Variants in CCDC148 observed in about 807,000 individuals in gnomAD.
CCDC148 encodes the protein coiled-coil domain-containing protein 148.
Under a neutral mutation model 85.7 loss-of-function variants are expected in CCDC148, and 89 were observed. The observed-to-expected ratio is 1.04, with a 90% confidence interval of 0.87 to 1.24. The LOEUF is 1.24. CCDC148 is among the 50% of genes most tolerant of loss of function. CCDC148 has a pLI of 0.00. For synonymous variants in CCDC148, 230 were observed against 213.9 expected, an observed-to-expected ratio of 1.08 and a Z score of -0.66; for missense variants, 692 against 671.7, an observed-to-expected ratio of 1.03 and a Z score of -0.33.
chr2:158,291,593 T>C (rs1273267672), intron 9 of CCDC148, among the ~76,000 whole-genome samples: 2 of 152,208 alleles, frequency 1.3e-5, no homozygotes, highest in East Asian at 1.9e-4. Flanking sequence ...TTGGTGTTTA[T>C]ATGGTTGCCT....
intron 1 of CCDC148, among the ~76,000 whole-genome samples, chr2:158,436,093 C>A (rs942113794): frequency 6.6e-6 from 1 of 151,996 alleles, no homozygotes; most frequent in Non-Finnish European, 1.5e-5. Context: ...ACAAGGATAC[C>A]CAGGAATTGA....
intron 1 of CCDC148, among the ~76,000 whole-genome samples, chr2:158,413,638 T>C (rs1686365688): frequency 6.6e-6 from 1 of 151,018 alleles, no homozygotes. Flanking sequence ...AAATCAGGGG[T>C]TTGCAAACTT....
intron 11 of CCDC148, among the ~76,000 whole-genome samples, chr2:158,190,643 T>C (rs2105272455): frequency 6.6e-6 from 1 of 152,154 alleles, no homozygotes; most frequent in Middle Eastern, 3.4e-3. Context: ...CCACAATTAA[T>C]ATGTATTGCA....
intron 10 of CCDC148, among the ~76,000 whole-genome samples, chr2:158,222,166 G>A (rs1450940639): frequency 6.6e-6 from 1 of 152,096 alleles, no homozygotes; most frequent in African/African-American, 2.4e-5. Flanking sequence ...GAATCAAAGA[G>A]CATTTTTCTC....
At chr2:158,200,118 C>A (rs1685880821) in intron 11 of CCDC148, among the ~76,000 whole-genome samples, 1 of 152,134 alleles carries the variant, frequency 6.6e-6, no homozygotes, top group Non-Finnish European at 1.5e-5. Context: ...GCTGGTGACA[C>A]AGAGTTTGGT....
intron 9 of CCDC148, among the ~76,000 whole-genome samples, chr2:158,273,152 T>C (rs1689774619): frequency 6.6e-6 from 1 of 152,184 alleles, no homozygotes; most frequent in Non-Finnish European, 1.5e-5. Flanking sequence ...ATGAACATTT[T>C]ATAACAATCA....
At chr2:158,241,765 C>A (rs765389466) in intron 10 of CCDC148, among the ~76,000 whole-genome samples, 3 of 152,060 alleles carry the variant, frequency 2.0e-5, no homozygotes, top group African/African-American at 7.2e-5. Flanking sequence ...GGAGGACATT[C>A]GTACCAATAC....
At chr2:158,443,475 G>A (rs773864174) in intron 1 of CCDC148, among the ~76,000 whole-genome samples, 53 of 123,120 alleles carry the variant, frequency 4.3e-4, no homozygotes, top group Admixed American at 1.2e-3. Flanking sequence ...CTGCACTCCA[G>A]CCTGGGCGAC....
intron 9 of CCDC148, among the ~76,000 whole-genome samples, chr2:158,252,053 A>G (rs1445409786): frequency 6.6e-6 from 1 of 151,836 alleles, no homozygotes; most frequent in East Asian, 1.9e-4. Context: ...GGAAGCAGAC[A>G]GCAGGGAAAT....
chr2:158,308,596 T>C (rs558233410), intron 9 of CCDC148, among the ~76,000 whole-genome samples: 1 of 152,378 alleles, frequency 6.6e-6, no homozygotes, highest in Non-Finnish European at 1.5e-5. Context: ...ATAAAATTTT[T>C]TGTTGCACCA....
At position 158,310,769 on chromosome 2, in the gene CCDC148, G is replaced by A. The variant is rs1266283035; in HGVS notation, c.904-1130C>T. Reference sequence around the variant, plus strand: ...TCCTCACATCCCAGACAGGGCGGCCGGGCAGAGGCGATCCCCACATCCCAG... The same window carrying A: ...TCCTCACATCCCAGACAGGGCGGCCAGGCAGAGGCGATCCCCACATCCCAG... On this transcript the variant is annotated intron_variant, in intron 8 of 13. Transcript: ENST00000283233. Among the ~76,000 whole-genome samples, 81 of 148,448 alleles carry A rather than the reference G, an allele frequency of 5.5e-4. 1 individual carries two copies. The highest frequency in any genetic ancestry group is 8.9e-5 in the Non-Finnish European group (6 of 67,102).
chr2:158,256,723 T>C (rs934642623), intron 9 of CCDC148, among the ~76,000 whole-genome samples: 4 of 151,804 alleles, frequency 2.6e-5, no homozygotes, highest in Admixed American at 2.6e-4. Flanking sequence ...CAAGCCTGTC[T>C]ACTTCACACT....
chr2:158,259,237 C>T (rs1450113488), intron 9 of CCDC148, among the ~76,000 whole-genome samples: 2 of 151,826 alleles, frequency 1.3e-5, no homozygotes, highest in Non-Finnish European at 2.9e-5. Context: ...TATGTGCTCC[C>T]ATAACACTGC....
At chr2:158,443,240 G>A (rs1195409184) in intron 1 of CCDC148, among the ~76,000 whole-genome samples, 1 of 151,938 alleles carries the variant, frequency 6.6e-6, no homozygotes, top group African/African-American at 2.4e-5. Flanking sequence ...TTGGGAGTCG[G>A]GGTGGGAGGA....
At chr2:158,279,327 C>T (rs562096812) in intron 9 of CCDC148, among the ~76,000 whole-genome samples, 36 of 151,912 alleles carry the variant, frequency 2.4e-4, no homozygotes, top group Admixed American at 5.9e-4. Flanking sequence ...GATCAAACTA[C>T]GAGCTACAGG....
chr2:158,353,487 T>C (rs1288147904), intron 2 of CCDC148, among the ~76,000 whole-genome samples: 1 of 151,112 alleles, frequency 6.6e-6, no homozygotes, highest in Non-Finnish European at 1.5e-5. Flanking sequence ...AGAAGGCCAT[T>C]ACATAATGGT....
chr2:158,191,784 G>A lies in CCDC148; in HGVS notation c.1371-12788C>T, dbSNP rs578078038. Among the ~76,000 whole-genome samples, 5 of 151,958 alleles carry A rather than the reference G, an allele frequency of 3.3e-5. No individual in the cohort carries two copies. The South Asian group carries it at 1.0e-3, about 32-fold the overall frequency. On this transcript the variant is annotated intron_variant, in intron 11 of 13. Coordinates refer to ENST00000283233, the MANE Select transcript of CCDC148 (RefSeq NM_138803.4). ...AATTCAGCTTTTGGAATTGAGCTCC[G>A]GAATCACTGTTCCTTTTTTTTCTTT...
intron 1 of CCDC148, among the ~76,000 whole-genome samples, chr2:158,362,806 G>T (rs1246356752): frequency 4.0e-5 from 6 of 151,772 alleles, no homozygotes. Flanking sequence ...CAGAAGACAA[G>T]AAATAACTAA....
intron 11 of CCDC148, among the ~76,000 whole-genome samples, chr2:158,212,249 C>T (rs1484551811): frequency 6.6e-6 from 1 of 152,044 alleles, no homozygotes; most frequent in African/African-American, 2.4e-5. Context: ...AAGAGCATCC[C>T]CATTAATTTT....
Sources: gnomAD v4.1 joint callset for allele counts (sites outside exome capture counted in the v4.1 genomes callset) on GRCh38, gnomAD v4.1.1 for gene constraint, MANE v1.5 for transcripts, NCBI Gene and HGNC (gene_info 2026-07-23, HGNC 2026-07-21) for gene names.